Variants in TPCN1 observed in about 807,000 individuals in gnomAD.
The protein encoded by TPCN1 is two pore segment channel 1.
Under a neutral mutation model 108.8 loss-of-function variants are expected in TPCN1, and 52 were observed. The observed-to-expected ratio is 0.48, with a 90% CI of 0.38 to 0.60. The LOEUF (loss-of-function observed/expected upper bound fraction) is 0.60. Ranked by LOEUF, TPCN1 falls within the 20% of genes least tolerant of loss-of-function variation. The probability of loss-of-function intolerance (pLI) is 0.00; values close to 1 mark genes in which losing one functional copy is unlikely to be tolerated. For missense variants in TPCN1, 806 were observed against 1,072.8 expected (o/e 0.75, Z 3.47); for synonymous variants, 446 against 433.7 (o/e 1.03, Z -0.35).
chr12:113,287,105 G>A lies in TPCN1; in HGVS notation c.1634+11G>A, dbSNP rs779625029. On this transcript the variant is annotated intron_variant, in intron 19 of 27. Coordinates refer to ENST00000335509, the MANE Select transcript of TPCN1 (RefSeq NM_017901.6). ...CCTCCAGCTGCTGAGGTGATGGGCA[G>A]GGCAGAGCCGGAGACAGGGAGAAAG... 7 of 1,601,696 alleles carry A rather than the reference G, an allele frequency of 4.4e-6. No individual in the cohort carries two copies. In the Admixed American group the frequency reaches 1.0e-4, roughly 23 times the overall value.
At chr12:113,225,361 T>C (rs1299939239) in intron 1 of TPCN1, 3 of 362,588 alleles carry the variant, frequency 8.3e-6, no homozygotes, top group Admixed American at 3.5e-5. Flanking sequence ...GCCCAGCCTA[T>C]TTTTTTCTTT....
chr12:113,268,017 CCTGT>C lies in TPCN1; in HGVS notation c.528+64_528+67del. ...CCTTTTCTCCCATGTCACCTTCAAA[CCTGT>C]CTCTTTGGTACAATTCAGAATCCAC... is the stretch of plus-strand genomic sequence containing the variant. On this transcript the variant is annotated intron_variant, in intron 5 of 27. Coordinates refer to ENST00000335509, the MANE Select transcript of TPCN1 (RefSeq NM_017901.6). The surrounding 1 kb of genome is among the most constrained non-coding windows in gnomAD (Gnocchi z 7.3). 1 of 1,182,860 alleles carries C rather than the reference CCTGT, an allele frequency of 8.5e-7. No homozygotes were observed. 73.3% of individuals were successfully genotyped at this position (1,182,860 alleles called of 1,614,324 possible). A position where few individuals can be genotyped will look rare whatever the true frequency, so the allele number is the denominator to read the frequency against.
rs1486581998 is a variant in TPCN1 at position 113,288,316 on chromosome 12, G to A, written c.1706+82G>A. ...TGGGGGCGGGAGCCGAGTGGCAGTC[G>A]GGGGAAAGGAGTTCCACAAAGGACT... On this transcript the variant is annotated intron_variant, in intron 20 of 27. Transcript: ENST00000335509. This position sits in a 1 kb window ranked among gnomAD's most constrained non-coding sequence, Gnocchi z 4.8. The A allele has an allele frequency of 1.9e-5, 31 of 1,591,464 alleles. No homozygotes were observed. The East Asian group carries it at 3.2e-4, about 16-fold the overall frequency.
chr12:113,291,447 A>T, intron 23 of TPCN1, 162 bp from the exon 24 acceptor site: 1 of 641,336 alleles, frequency 1.6e-6, no homozygotes, highest in Non-Finnish European at 2.7e-6. Flanking sequence ...GTCAGGAATT[A>T]GTGTTAGGCC....
chr12:113,242,648 C>T (rs1232676676), intron 2 of TPCN1, among the ~76,000 whole-genome samples: 1 of 152,236 alleles, frequency 6.6e-6, no homozygotes, highest in Admixed American at 6.5e-5. Context: ...GTCTCTGGCA[C>T]TTTAAGCTTC....
In TPCN1 at chr12:113,269,023, A is replaced by T. The variant is rs1377669371; in HGVS notation, c.659+151A>T. On this transcript the variant is annotated intron_variant, in intron 6 of 27. Transcript: ENST00000335509. This position sits in a 1 kb window ranked among gnomAD's most constrained non-coding sequence, Gnocchi z 5.0. ...AGACTCACTCTCCCTCTGCCATTCCATCCACGCACAGGAGAAAGCGGTATT... is the reference window on the plus strand; with the variant it reads ...AGACTCACTCTCCCTCTGCCATTCCTTCCACGCACAGGAGAAAGCGGTATT... The T allele has an allele frequency of 2.2e-6, 2 of 920,598 alleles. No homozygotes were observed. The highest frequency in any genetic ancestry group is 1.6e-5 in the African/African-American group (1 of 61,496). 57.0% of individuals were successfully genotyped at this position (920,598 alleles called of 1,614,324 possible).
intron 3 of TPCN1, among the ~76,000 whole-genome samples, chr12:113,265,164 C>T (rs1955206445): frequency 6.6e-6 from 1 of 152,158 alleles, no homozygotes; most frequent in African/African-American, 2.4e-5. Flanking sequence ...TCTGACTAGG[C>T]AGGGTTATTG....
intron 22 of TPCN1, among the ~76,000 whole-genome samples, chr12:113,290,632 A>G (rs1956237027): frequency 6.6e-6 from 1 of 152,178 alleles, no homozygotes; most frequent in Non-Finnish European, 1.5e-5. Flanking sequence ...AGAGGCGAAC[A>G]CAGCCAAACC....
chr12:113,288,576 T>A lies in TPCN1; in HGVS notation c.1707-182T>A. On this transcript the variant is annotated intron_variant, in intron 20 of 27. Transcript: ENST00000335509. This position sits in a 1 kb window ranked among gnomAD's most constrained non-coding sequence, Gnocchi z 4.8. ...GGGCATTTGTTCATAGCGTCCTGACTTGAGCTGTTTTTCACCCCAGAGCTG... is the reference window on the plus strand; with the variant it reads ...GGGCATTTGTTCATAGCGTCCTGACATGAGCTGTTTTTCACCCCAGAGCTG... 1 of 1,469,942 alleles carries A rather than the reference T, an allele frequency of 6.8e-7. No individual in the cohort carries two copies. The highest frequency in any genetic ancestry group is 1.4e-5 in the South Asian group (1 of 73,696). The allele number at this position is 1,469,942 out of a possible 1,614,324, so 91.1% of individuals were successfully genotyped here.
At chr12:113,241,319 A>C (rs1007008306) in intron 2 of TPCN1, among the ~76,000 whole-genome samples, 2 of 151,938 alleles carry the variant, frequency 1.3e-5, no homozygotes, top group Non-Finnish European at 2.9e-5. Flanking sequence ...TGGCCGCCTC[A>C]CCTCTTGTTA....
At chr12:113,223,795 C>T (rs572465025) in intron 1 of TPCN1, among the ~76,000 whole-genome samples, 57 of 152,268 alleles carry the variant, frequency 3.7e-4, no homozygotes, top group Admixed American at 1.1e-3. Context: ...CCACCTGCCT[C>T]GGCCTCTCAA....
In TPCN1 at chr12:113,273,642, A is replaced by G. The variant is rs1475302954; in HGVS notation, c.916A>G (p.Ile306Val). 1.2e-6 allele frequency: 2 copies of G among 1,614,120 alleles called. No individual in the cohort carries two copies. Among genetic ancestry groups the G allele is most frequent in the African/African-American group, 1.3e-5 (1 of 75,032 alleles). The stretch of plus-strand genomic sequence containing the variant: ...CGTCTTCTTCATCGTGTACCTCTCC[A>G]TCGAGCTGTATTTCATCATGAACCT... ...SCVFFIVYLS[I>V]ELYFIMNLLL... is the part of the protein sequence containing the mutation. Residue 306 changes from isoleucine (I) to valine (V), a missense_variant, in exon 10 of 28, where the codon ATC becomes GTC. Ile to Val is a conservative substitution (Grantham distance 29). Coordinates refer to ENST00000335509, the MANE Select transcript of TPCN1 (RefSeq NM_017901.6). This position sits in a 1 kb window ranked among gnomAD's most constrained non-coding sequence, Gnocchi z 4.0.
chr12:113,228,121 C>G (rs959979632), intron 2 of TPCN1, among the ~76,000 whole-genome samples: 1 of 152,128 alleles, frequency 6.6e-6, no homozygotes, highest in Non-Finnish European at 1.5e-5. Flanking sequence ...CAGTATTATC[C>G]CTATTTACAG....
At position 113,278,309 on chromosome 12, in the gene TPCN1, C is replaced by A; in HGVS notation, c.1233+72C>A. On this transcript the variant is annotated intron_variant, in intron 13 of 27. Coordinates refer to ENST00000335509, the MANE Select transcript of TPCN1 (RefSeq NM_017901.6). ...CACGTGGGGCAGTGAGGAGCAGGGGCACCCCGAGATCCAGCTCTCTCCCTG... is the reference window on the plus strand; with the variant it reads ...CACGTGGGGCAGTGAGGAGCAGGGGAACCCCGAGATCCAGCTCTCTCCCTG... 3 of 1,360,122 alleles carry A rather than the reference C, an allele frequency of 2.2e-6. No individual in the cohort carries two copies. The South Asian group carries it at 3.5e-5, about 16-fold the overall frequency. The allele number at this position is 1,360,122 out of a possible 1,614,324, so 84.3% of individuals were successfully genotyped here. A position where few individuals can be genotyped will look rare whatever the true frequency, so the allele number is the denominator to read the frequency against.
chr12:113,233,438 G>C (rs1038503847), intron 2 of TPCN1, among the ~76,000 whole-genome samples: 1 of 152,266 alleles, frequency 6.6e-6, no homozygotes, highest in Non-Finnish European at 1.5e-5. Flanking sequence ...TCAGGTTGCA[G>C]TGCCCTCTGC....
chr12:113,290,842 G>A (rs1223403790), intron 22 of TPCN1, 110 bp from the exon 23 acceptor site: 1 of 1,024,878 alleles, frequency 9.8e-7, no homozygotes, highest in Admixed American at 1.7e-5. Context: ...GTCATATGGT[G>A]ACCCTCTCAT....
rs1465846853 is a variant in TPCN1 at position 113,272,627 on chromosome 12, C to G, written c.749-31C>G. 3.1e-6 allele frequency: 5 copies of G among 1,609,474 alleles called. No homozygotes were observed. Among genetic ancestry groups the G allele is most frequent in the African/African-American group, 1.3e-5 (1 of 74,838 alleles). On this transcript the variant is annotated intron_variant, in intron 7 of 27. Coordinates refer to ENST00000335509, the MANE Select transcript of TPCN1 (RefSeq NM_017901.6). The surrounding 1 kb of genome is among the most constrained non-coding windows in gnomAD (Gnocchi z 4.1). ...AGGTTTTGGGACCTCTGCTCTAATC[C>G]TTTTGTTTATCTGTTTCCACCCACT...
Position 113,268,859 on chromosome 12 carries a change from G to A in TPCN1, c.646G>A (p.Gly216Ser), listed in dbSNP as rs1191755686. Residue 216 changes from glycine (G) to serine (S), a missense_variant, in exon 6 of 28, where the codon GGT (glycine) becomes AGT (serine). Coordinates refer to ENST00000335509, the MANE Select transcript of TPCN1 (RefSeq NM_017901.6). This position sits in a 1 kb window ranked among gnomAD's most constrained non-coding sequence, Gnocchi z 7.3. ...CIFLVDCRYC[G>S]GVRRNLRQIF... The stretch of plus-strand genomic sequence containing the variant: ...TTTCCTGGTGGACTGTCGGTATTGC[G>A]GTGGCGTCCGGCGGTAAGGCCCGGG... The A allele has an allele frequency of 6.2e-7, 1 of 1,613,940 alleles. No homozygotes were observed. The highest frequency in any genetic ancestry group is 8.5e-7 in the Non-Finnish European group (1 of 1,179,928).
chr12:113,274,186 C>G (rs1273947365), intron 10 of TPCN1, among the ~76,000 whole-genome samples: 22 of 152,216 alleles, frequency 1.4e-4, no homozygotes. Flanking sequence ...GACATGGTGG[C>G]TCACGCCTGT....
Sources: allele counts gnomAD v4.1 joint callset (sites outside exome capture counted in the v4.1 genomes callset), GRCh38; gene constraint gnomAD v4.1.1; non-coding constraint Gnocchi (gnomAD v3.1); transcripts MANE v1.5; gene names NCBI Gene and HGNC (gene_info 2026-07-23, HGNC 2026-07-21).